ROBO2: variants seen among roughly 807,000 people sequenced by gnomAD.
The protein encoded by ROBO2 is roundabout homolog 2.
Under a neutral mutation model 160.8 loss-of-function variants are expected in ROBO2, and 53 were observed. That is an observed-to-expected ratio of 0.33 (90% CI 0.26 to 0.41). The LOEUF is 0.41. Ranked by LOEUF, ROBO2 falls within the 10% of genes least tolerant of loss-of-function variation. The pLI is 1.00. For missense variants in ROBO2, 1,577 were observed against 1,722.4 expected, an observed-to-expected ratio of 0.92 and a Z score of 1.49; for synonymous variants, 664 against 611.7, an observed-to-expected ratio of 1.09 and a Z score of -1.26.
At chr3:76,500,696 TG>T (rs2080413003) in intron 2 of ROBO2, among the ~76,000 whole-genome samples, 1 of 152,176 alleles carries the variant, frequency 6.6e-6, no homozygotes, top group Admixed American at 6.5e-5. Flanking sequence ...CAAAAATCTA[TG>T]AGATAAAAGT....
chr3:77,288,815 C>A lies in ROBO2; in HGVS notation c.389-188599C>A, dbSNP rs139660985. Among the ~76,000 whole-genome samples the A allele has an allele frequency of 2.2e-3, 341 of 152,112 alleles. 1 individual carries two copies. Among genetic ancestry groups the A allele is most frequent in the African/African-American group, 7.9e-3 (329 of 41,484 alleles). On this transcript the variant is annotated intron_variant, in intron 2 of 25. Transcript: ENST00000461745. ...GATACAAATTGATTATACCTGGGTCCAGAATTTCAAAGTGTGATAACACTG... is the reference window on the plus strand; with the variant it reads ...GATACAAATTGATTATACCTGGGTCAAGAATTTCAAAGTGTGATAACACTG...
At chr3:76,288,770 T>C (rs1002365571) in intron 2 of ROBO2, among the ~76,000 whole-genome samples, 13 of 152,184 alleles carry the variant, frequency 8.5e-5, no homozygotes, top group African/African-American at 3.1e-4. Flanking sequence ...ATTAATTCAC[T>C]TAGGATAGGG....
intron 1 of ROBO2, among the ~76,000 whole-genome samples, chr3:75,928,447 A>C (rs1947381387): frequency 6.7e-6 from 1 of 149,986 alleles, no homozygotes; most frequent in Non-Finnish European, 1.5e-5. Flanking sequence ...CACAAAATTT[A>C]GTGTGAGTCA....
chr3:76,047,725 G>A (rs961661946), intron 2 of ROBO2, among the ~76,000 whole-genome samples: 11 of 152,216 alleles, frequency 7.2e-5, no homozygotes, highest in Non-Finnish European at 1.6e-4. Flanking sequence ...ATGCCTGCGT[G>A]CATGATGTAT....
intron 2 of ROBO2, among the ~76,000 whole-genome samples, chr3:76,326,034 T>C (rs1035022767): frequency 3.9e-5 from 6 of 152,158 alleles, no homozygotes; most frequent in Admixed American, 3.9e-4. Context: ...GAAAAACATG[T>C]TGAAAATCAT....
intron 2 of ROBO2, among the ~76,000 whole-genome samples, chr3:76,816,280 A>G (rs1237497734): frequency 2.6e-5 from 4 of 152,088 alleles, no homozygotes; most frequent in Admixed American, 1.3e-4. Flanking sequence ...GAAGAATGCA[A>G]TATGAAGTAA....
intron 2 of ROBO2, among the ~76,000 whole-genome samples, chr3:77,373,223 C>T (rs1031043533): frequency 1.4e-5 from 2 of 147,058 alleles, no homozygotes; most frequent in African/African-American, 2.5e-5. Context: ...TAAAATATTA[C>T]AATAAAATAA....
chr3:76,059,936 G>A (rs974730929), intron 2 of ROBO2, among the ~76,000 whole-genome samples: 2 of 152,094 alleles, frequency 1.3e-5, no homozygotes, highest in East Asian at 1.9e-4. Context: ...TTTTTGTCAG[G>A]TTTGTCAAAG....
intron 8 of ROBO2, among the ~76,000 whole-genome samples, chr3:77,557,124 A>G (rs2093150707): frequency 6.6e-6 from 1 of 151,930 alleles, no homozygotes; most frequent in African/African-American, 2.4e-5. Flanking sequence ...GTTGTATTGT[A>G]CTACCGAAAT....
intron 1 of ROBO2, among the ~76,000 whole-genome samples, chr3:75,936,954 T>C (rs1947810190): frequency 6.6e-6 from 1 of 152,200 alleles, no homozygotes; most frequent in African/African-American, 2.4e-5. Flanking sequence ...TAAGATTAGT[T>C]TTTGCACATG....
At chr3:76,594,784 C>T (rs2086637861) in intron 2 of ROBO2, among the ~76,000 whole-genome samples, 1 of 152,040 alleles carries the variant, frequency 6.6e-6, no homozygotes, top group Non-Finnish European at 1.5e-5. Context: ...ATACTGCGAA[C>T]TTGCTTTTAC....
intron 2 of ROBO2, among the ~76,000 whole-genome samples, chr3:75,985,263 CAG>C (rs897793950): frequency 6.6e-5 from 10 of 151,364 alleles, no homozygotes; most frequent in African/African-American, 2.4e-4. Flanking sequence ...TAAGTGAAGA[CAG>C]AGGTGGTAAC....
At position 76,633,419 on chromosome 3, in the gene ROBO2, G is replaced by C. The variant is rs78678669; in HGVS notation, c.110-464595G>C. On this transcript the variant is annotated intron_variant, in intron 2 of 26. Transcript: ENST00000487694. ...CTTTTATTTTGGGGTAAAATGTGGA[G>C]AGGAAATGAGTGGAAAATGAATGAA... 5.4e-3 allele frequency among the ~76,000 whole-genome samples: 829 copies of C among 152,278 alleles called. 6 individuals are homozygous for C. The highest frequency in any genetic ancestry group is 0.018 in the African/African-American group (766 of 41,546).
At chr3:77,534,599 T>G (rs2091967441) in intron 6 of ROBO2, among the ~76,000 whole-genome samples, 1 of 152,218 alleles carries the variant, frequency 6.6e-6, no homozygotes, top group Non-Finnish European at 1.5e-5. Flanking sequence ...TTTGAATTGC[T>G]ACACTATTTG....
chr3:76,299,288 C>T (rs1245103403), intron 2 of ROBO2, among the ~76,000 whole-genome samples: 1 of 152,112 alleles, frequency 6.6e-6, no homozygotes, highest in African/African-American at 2.4e-5. Context: ...CGTGGGGCTT[C>T]AGTAGCTAGG....
At chr3:77,567,348 A>G (rs2093514478) in intron 12 of ROBO2, among the ~76,000 whole-genome samples, 1 of 152,088 alleles carries the variant, frequency 6.6e-6, no homozygotes, top group Non-Finnish European at 1.5e-5. Context: ...TGCCAGCTTA[A>G]AAAGTTAATC....
rs189873729 is a variant in ROBO2, at chr3:76,488,427, G to A, written c.109+550825G>A. On this transcript the variant is annotated intron_variant, in intron 2 of 26. Coordinates refer to the ROBO2 transcript ENST00000487694. ...TGTTAGAGAAGACCTGCCATTGCCT[G>A]CCATGTGGTCCTCTCTCTGCTGTTA... 2.2e-4 allele frequency among the ~76,000 whole-genome samples: 34 copies of A among 152,076 alleles called. 1 individual carries two copies. In the East Asian group the frequency reaches 4.7e-3, roughly 21 times the overall value.
chr3:76,791,160 G>A (rs2063326760), intron 2 of ROBO2, among the ~76,000 whole-genome samples: 1 of 151,764 alleles, frequency 6.6e-6, no homozygotes, highest in African/African-American at 2.4e-5. Flanking sequence ...AGAATAGTTG[G>A]AATGACTTGG....
chr3:77,584,760 T>G lies in ROBO2; in HGVS notation c.2501-3991T>G, dbSNP rs192505999. On this transcript the variant is annotated intron_variant, in intron 16 of 25. Transcript: ENST00000461745. ...CCTACAATCTTGTCCTTCTGAGATTTTCTAAAATAAATTGGAATAAGAAAG... is the reference window on the plus strand; with the variant it reads ...CCTACAATCTTGTCCTTCTGAGATTGTCTAAAATAAATTGGAATAAGAAAG... Among the ~76,000 whole-genome samples, 2 of 152,054 alleles carry G rather than the reference T, an allele frequency of 1.3e-5. 1 individual carries two copies. Among genetic ancestry groups the G allele is most frequent in the East Asian group, 3.9e-4 (2 of 5,178 alleles).
Sources: gnomAD v4.1 joint callset for allele counts (sites outside exome capture counted in the v4.1 genomes callset) on GRCh38, gnomAD v4.1.1 for gene constraint, MANE v1.5 for transcripts, NCBI Gene and HGNC (gene_info 2026-07-23, HGNC 2026-07-21) for gene names.